The following MAP4 variants were observed in gnomAD, a reference collection of about 807,000 sequenced individuals.
MAP4 encodes microtubule-associated protein 4.
MAP4 carries 76 observed loss-of-function variants against 170.2 expected under a neutral mutation model. That is an observed-to-expected ratio of 0.45 (90% CI 0.37 to 0.54). The LOEUF (loss-of-function observed/expected upper bound fraction) is 0.54. Among genes scored for constraint, MAP4 ranks in the 20% least tolerant of loss-of-function variants. MAP4 has a pLI of 0.00. For missense variants in MAP4, 2,506 were observed against 2,748.0 expected (o/e 0.91, Z 1.97); for synonymous variants, 909 against 994.5 (o/e 0.91, Z 1.62).
intron 12 of MAP4, among the ~76,000 whole-genome samples, chr3:47,873,272 G>A (rs990626365): frequency 1.3e-5 from 2 of 152,162 alleles, no homozygotes; most frequent in Non-Finnish European, 2.9e-5. Context: ...CTTTTACATG[G>A]AGGCTGAGAA....
intron 1 of MAP4, chr3:48,039,359 GA>G (rs1205464540): frequency 6.5e-6 from 1 of 153,410 alleles, no homozygotes; most frequent in Non-Finnish European, 1.5e-5. Flanking sequence ...TCCTGAACGT[GA>G]AATGCCCAGG....
intron 1 of MAP4, among the ~76,000 whole-genome samples, chr3:47,999,223 T>G (rs1018208834): frequency 2.6e-5 from 4 of 152,122 alleles, no homozygotes; most frequent in Non-Finnish European, 5.9e-5. Flanking sequence ...GCCAGTAAGA[T>G]TCAAATCAGG....
At chr3:47,969,145 C>T (rs1437539857) in intron 3 of MAP4, among the ~76,000 whole-genome samples, 5 of 152,212 alleles carry the variant, frequency 3.3e-5, no homozygotes, top group African/African-American at 4.8e-5. Context: ...CAGTGGCTCA[C>T]GCCTGTAATC....
rs1395800302 is a variant in MAP4, at chr3:47,870,901, G to A, written c.6206C>T (p.Ala2069Val). Residue 2069 changes from alanine to valine, a missense_variant, in exon 15 of 21, where the codon GCC becomes GTC. By Grantham distance (64) the Ala-to-Val change is moderately conservative. Coordinates refer to ENST00000683076, the MANE Select transcript of MAP4 (RefSeq NM_001385682.1). Reference protein sequence around the residue: ...SSTTPRLSRLATNTSAPDLKN... With the variant: ...SSTTPRLSRLVTNTSAPDLKN... ...CAGATCAGGAGCAGAAGTATTGGTG[G>A]CCAGGCGGCTGAGCCGGGGGGTGGT... 6.2e-7 allele frequency: 1 copy of A among 1,613,700 alleles called. No individual in the cohort carries two copies. Among genetic ancestry groups the A allele is most frequent in the Non-Finnish European group, 8.5e-7 (1 of 1,179,898 alleles).
At chr3:48,047,759 C>T (rs1239385792) in intron 1 of MAP4, among the ~76,000 whole-genome samples, 2 of 152,140 alleles carry the variant, frequency 1.3e-5, no homozygotes, top group Non-Finnish European at 2.9e-5. Flanking sequence ...TTTCTTAGCA[C>T]TGGTTTTCAC....
rs948508624 is a variant in MAP4, at chr3:47,861,542, G to A, written c.6502-4030C>T. ...TGATTTTTGTATTTTTAGTAGAGCC[G>A]GGGTTTCACTGTGTTGGCCAGGATG... is the stretch of plus-strand genomic sequence containing the variant. On this transcript the variant is annotated intron_variant, in intron 17 of 20. Transcript: ENST00000683076. Among the ~76,000 whole-genome samples, 5 of 151,004 alleles carry A rather than the reference G, an allele frequency of 3.3e-5. No individual in the cohort carries two copies. In the South Asian group the frequency reaches 8.4e-4, roughly 25 times the overall value.
At chr3:47,858,608 T>C (rs991373362) in intron 17 of MAP4, among the ~76,000 whole-genome samples, 1 of 138,722 alleles carries the variant, frequency 7.2e-6, no homozygotes, top group South Asian at 2.3e-4. Flanking sequence ...TGTGTGTGTG[T>C]GTGTGTGCGC....
At chr3:47,941,311 G>A (rs988727065) in intron 3 of MAP4, among the ~76,000 whole-genome samples, 1 of 146,178 alleles carries the variant, frequency 6.8e-6, no homozygotes, top group African/African-American at 2.5e-5. Flanking sequence ...AATACCCATA[G>A]TTACCTGGAA....
intron 2 of MAP4, among the ~76,000 whole-genome samples, chr3:47,988,257 ATT>A (rs55794111): frequency 0.61 from 90,602 of 149,746 alleles, 28,648 homozygotes; most frequent in East Asian, 0.72. Context: ...TTCAGACAGG[ATT>A]TTTTTTTTAA....
intron 9 of MAP4, 32 bp downstream of exon 9, chr3:47,909,006 A>G: frequency 3.1e-6 from 5 of 1,587,374 alleles, no homozygotes; most frequent in Non-Finnish European, 4.3e-6. Flanking sequence ...AAAAGCCACA[A>G]GCACACACAT....
At chr3:47,864,569 C>T (rs1348984313) in intron 17 of MAP4, among the ~76,000 whole-genome samples, 3 of 152,098 alleles carry the variant, frequency 2.0e-5, no homozygotes, top group Admixed American at 6.5e-5. Context: ...CCCAGCTACT[C>T]GGGAGGCTGA....
chr3:47,857,631 A>C (rs1576622527), intron 17 of MAP4, 119 bp from the exon 18 acceptor site: 2 of 693,066 alleles, frequency 2.9e-6, no homozygotes, highest in East Asian at 5.5e-5. Flanking sequence ...GTAAGCTGCT[A>C]TCTCAGTCTG....
chr3:47,948,863 C>T (rs541736002), intron 3 of MAP4, among the ~76,000 whole-genome samples: 1 of 152,122 alleles, frequency 6.6e-6, no homozygotes, highest in South Asian at 2.1e-4. Flanking sequence ...CCTCATTATC[C>T]ACCTGCCTTG....
intron 3 of MAP4, among the ~76,000 whole-genome samples, chr3:47,951,522 G>T (rs910632676): frequency 6.6e-6 from 1 of 152,228 alleles, no homozygotes; most frequent in Non-Finnish European, 1.5e-5. Flanking sequence ...ACTGGTTTTC[G>T]TATTTTTTTG....
chr3:47,857,570 C>A (rs910503092), intron 17 of MAP4, 58 bp from the exon 18 acceptor site: 5 of 1,130,968 alleles, frequency 4.4e-6, no homozygotes, highest in Non-Finnish European at 5.4e-6. Flanking sequence ...CAGAGCCAAC[C>A]CCATGCTACC....
chr3:47,853,680 A>G (rs1302755073), intron 19 of MAP4, among the ~76,000 whole-genome samples: 1 of 152,230 alleles, frequency 6.6e-6, no homozygotes, highest in Non-Finnish European at 1.5e-5. Flanking sequence ...CCATGACAAC[A>G]GTAAGCAATA....
intron 3 of MAP4, among the ~76,000 whole-genome samples, chr3:47,959,221 A>G (rs2100069847): frequency 6.6e-6 from 1 of 152,140 alleles, no homozygotes; most frequent in African/African-American, 2.4e-5. Flanking sequence ...TAATCCCAGC[A>G]CTTTTGGAGG....
intron 1 of MAP4, among the ~76,000 whole-genome samples, chr3:48,061,524 C>T (rs1163154503): frequency 2.0e-5 from 3 of 152,100 alleles, no homozygotes; most frequent in African/African-American, 4.8e-5. Context: ...AGTGCAGTGG[C>T]GTGATCTCAG....
At position 48,003,090 on chromosome 3, in the gene MAP4, C is replaced by T. The variant is rs1305503908; in HGVS notation, c.-19-4211G>A. On this transcript the variant is annotated intron_variant, in intron 1 of 20. Transcript: ENST00000683076. ...AAATAGCGACAAGAGCAAATTATGT[C>T]AAAGAAAGACACGCACTGAGAGAGT... 2.6e-5 allele frequency among the ~76,000 whole-genome samples: 4 copies of T among 151,874 alleles called. No individual in the cohort carries two copies. In the East Asian group the frequency reaches 7.7e-4, roughly 29 times the overall value.
Sources: allele counts gnomAD v4.1 joint callset (sites outside exome capture counted in the v4.1 genomes callset), GRCh38; gene constraint gnomAD v4.1.1; transcripts MANE v1.5; gene names NCBI Gene and HGNC (gene_info 2026-07-23, HGNC 2026-07-21).